Variants in HEXB observed in about 807,000 individuals in gnomAD.
HEXB encodes the protein hexosaminidase subunit beta, also known as beta-hexosaminidase subunit beta.
Under a neutral mutation model 71.2 loss-of-function variants are expected in HEXB, and 51 were observed. The ratio of observed to expected loss-of-function variants is 0.72; its 90% CI spans 0.57 to 0.90. HEXB has a LOEUF of 0.90. Among genes scored for constraint, HEXB ranks in the 40% least tolerant of loss-of-function variants. The pLI is 0.00. For missense variants in HEXB, 617 were observed against 677.0 expected, an observed-to-expected ratio of 0.91 and a Z score of 0.98; for synonymous variants, 266 against 249.3, an observed-to-expected ratio of 1.07 and a Z score of -0.63.
chr5:74,659,990 A>G (rs764533307), intron 1 of HEXB, among the ~76,000 whole-genome samples: 11 of 152,160 alleles, frequency 7.2e-5, no homozygotes, highest in Non-Finnish European at 1.3e-4. Flanking sequence ...AATGGAGAGG[A>G]TTAGGAGACA....
chr5:74,715,477 T>G (rs752073587), intron 7 of HEXB, 33 bp from the exon 8 acceptor site: 27 of 1,449,776 alleles, frequency 1.9e-5, no homozygotes, highest in Non-Finnish European at 2.5e-5. Context: ...TGAGTACACT[T>G]CTTTTAAAAA....
At chr5:74,664,029 G>C (rs1165107216) in intron 1 of HEXB, among the ~76,000 whole-genome samples, 9 of 152,150 alleles carry the variant, frequency 5.9e-5, no homozygotes, top group African/African-American at 1.2e-4. Flanking sequence ...GCCGAGGCAG[G>C]TGGATCACCT....
intron 2 of HEXB, among the ~76,000 whole-genome samples, chr5:74,692,116 T>C (rs1269413119): frequency 1.3e-5 from 2 of 152,088 alleles, no homozygotes; most frequent in Non-Finnish European, 2.9e-5. Flanking sequence ...GACTGTGCTA[T>C]TTCTGGAAGA....
rs569765189 is a variant in HEXB at position 74,666,004 on chromosome 5, T to TA, written c.-376-23317dup. On this transcript the variant is annotated intron_variant, in intron 1 of 13. Coordinates refer to the HEXB transcript ENST00000511181. Reference sequence around the variant, plus strand: ...ACACAGAAGTACCACATCTGGTCATTAAAAAAATGCATTATACAGAGTTGT... The same window carrying TA: ...ACACAGAAGTACCACATCTGGTCATTAAAAAAAATGCATTATACAGAGTTGT... 2.0e-3 allele frequency among the ~76,000 whole-genome samples: 311 copies of TA among 152,268 alleles called. 2 individuals carry two copies. The highest frequency in any genetic ancestry group is 7.0e-3 in the African/African-American group (292 of 41,546).
At chr5:74,707,632 C>T (rs796315086) in intron 6 of HEXB, among the ~76,000 whole-genome samples, 4 of 151,616 alleles carry the variant, frequency 2.6e-5, no homozygotes, top group South Asian at 2.1e-4. Flanking sequence ...TCGAGAACTA[C>T]GTGAAGAATG....
chr5:74,689,883 A>C (rs1748958932), intron 2 of HEXB: 1 of 192,876 alleles, frequency 5.2e-6, no homozygotes, highest in African/African-American at 2.4e-5. Context: ...TGCAAAATAC[A>C]TTATAAATTA....
intron 1 of HEXB, 49 bp from the exon 2 acceptor site, chr5:74,689,279 A>C (rs1433620949): frequency 1.3e-6 from 2 of 1,492,530 alleles, no homozygotes; most frequent in South Asian, 1.1e-5. Flanking sequence ...TGTTTTAAAA[A>C]TTTGGCTAAA....
chr5:74,654,950 G>T (rs948342026), intron 1 of HEXB, among the ~76,000 whole-genome samples: 1 of 152,138 alleles, frequency 6.6e-6, no homozygotes, highest in Non-Finnish European at 1.5e-5. Flanking sequence ...GCTCAGGACC[G>T]CTGAATATGG....
At position 74,720,617 on chromosome 5, in the gene HEXB, G is replaced by C. The variant is rs201580118; in HGVS notation, c.1509-26G>C. 4.4e-6 allele frequency: 7 copies of C among 1,602,826 alleles called. No individual in the cohort carries two copies. Among genetic ancestry groups the C allele is most frequent in the South Asian group, 3.3e-5 (3 of 90,900 alleles). ...CTAAACATAAATTTAAACTGCTTGC[G>C]GGGGGATGTGTGATTTAAATTTTAG... is the stretch of plus-strand genomic sequence containing the variant. On this transcript the variant is annotated intron_variant, in intron 12 of 13. Transcript: ENST00000261416.
intron 1 of HEXB, among the ~76,000 whole-genome samples, chr5:74,669,994 TAG>T (rs1748502589): frequency 6.6e-6 from 1 of 152,162 alleles, no homozygotes; most frequent in Admixed American, 6.5e-5. Flanking sequence ...AGACCAATCC[TAG>T]GCAGACAGGG....
At chr5:74,691,566 A>G (rs972587294) in intron 2 of HEXB, among the ~76,000 whole-genome samples, 11 of 152,360 alleles carry the variant, frequency 7.2e-5, no homozygotes, top group South Asian at 2.1e-4. Context: ...AGGAAGCTGT[A>G]TAATTATGTG....
chr5:74,699,823 G>T (rs760082127), intron 5 of HEXB, among the ~76,000 whole-genome samples: 7 of 151,862 alleles, frequency 4.6e-5, no homozygotes, highest in Admixed American at 3.3e-4. Context: ...TAGACAGGTC[G>T]GTCATAGCCA....
chr5:74,682,249 G>T (rs820865), upstream of HEXB, among the ~76,000 whole-genome samples: 81,209 of 152,024 alleles, frequency 0.53, 22,090 homozygotes, highest in Non-Finnish European at 0.57. Flanking sequence ...TCCCAGCTAC[G>T]CCGGAGGCTG....
At chr5:74,712,662 G>T (rs1277034951) in intron 6 of HEXB, among the ~76,000 whole-genome samples, 1 of 152,078 alleles carries the variant, frequency 6.6e-6, no homozygotes, top group Non-Finnish European at 1.5e-5. Flanking sequence ...GTGTCCTACA[G>T]TTTCCCACAG....
At chr5:74,655,003 G>A (rs79605253) in intron 1 of HEXB, among the ~76,000 whole-genome samples, 3,001 of 152,210 alleles carry the variant, frequency 0.02, 109 homozygotes, top group African/African-American at 0.069. Flanking sequence ...TTTGACCTGC[G>A]GACGGATCTG....
At chr5:74,663,221 G>A (rs1010862959) in intron 1 of HEXB, among the ~76,000 whole-genome samples, 9 of 151,084 alleles carry the variant, frequency 6.0e-5, no homozygotes, top group African/African-American at 1.7e-4. Flanking sequence ...GCGGAGTTTC[G>A]CTCTTGTTGC....
chr5:74,687,389 C>A (rs764276638), intron 1 of HEXB, among the ~76,000 whole-genome samples: 1 of 152,204 alleles, frequency 6.6e-6, no homozygotes, highest in African/African-American at 2.4e-5. Flanking sequence ...GTATCACAAA[C>A]CTTGCTTTGA....
At chr5:74,656,758 C>G (rs897237220) in intron 1 of HEXB, among the ~76,000 whole-genome samples, 1 of 152,064 alleles carries the variant, frequency 6.6e-6, no homozygotes, top group Admixed American at 6.5e-5. Flanking sequence ...ATTACAGGCA[C>G]ATGCCACCAC....
intron 1 of HEXB, among the ~76,000 whole-genome samples, chr5:74,666,268 A>G: frequency 6.6e-6 from 1 of 152,264 alleles, no homozygotes; most frequent in Non-Finnish European, 1.5e-5. Context: ...CCAACAAAGG[A>G]CAAAACACCC....
Sources: allele counts gnomAD v4.1 joint callset (sites outside exome capture counted in the v4.1 genomes callset), GRCh38; gene constraint gnomAD v4.1.1; transcripts MANE v1.5; gene names NCBI Gene and HGNC (gene_info 2026-07-23, HGNC 2026-07-21).